Variants in SEC24D observed in about 807,000 individuals in gnomAD.
SEC24D encodes the protein protein transport protein Sec24D.
SEC24D carries 69 observed loss-of-function variants against 116.9 expected under a neutral mutation model. The observed-to-expected ratio is 0.59, with a 90% CI of 0.49 to 0.72. The LOEUF (loss-of-function observed/expected upper bound fraction) is 0.72, where lower values mean the gene tolerates loss of function less well. Ranked by LOEUF, SEC24D falls within the 30% of genes least tolerant of loss-of-function variation. The pLI, the probability that SEC24D is intolerant of heterozygous loss-of-function variation, is 0.00. For synonymous variants in SEC24D, 405 were observed against 442.8 expected, an observed-to-expected ratio of 0.91 and a Z score of 1.07; for missense variants, 1,131 against 1,264.1, an observed-to-expected ratio of 0.89 and a Z score of 1.60.
chr4:118,806,165 A>G (rs190273222), intron 6 of SEC24D, among the ~76,000 whole-genome samples: 90 of 152,166 alleles, frequency 5.9e-4, no homozygotes, highest in Non-Finnish European at 1.0e-3. Context: ...TCATGGAAAA[A>G]CCTACCATGT....
chr4:118,826,483 C>T (rs753481375), intron 2 of SEC24D, among the ~76,000 whole-genome samples: 2 of 152,148 alleles, frequency 1.3e-5, no homozygotes, highest in African/African-American at 4.8e-5. Context: ...AACATAATTA[C>T]AAGCACATTT....
At chr4:118,814,234 C>T (rs1276897404) in intron 6 of SEC24D, among the ~76,000 whole-genome samples, 1 of 152,206 alleles carries the variant, frequency 6.6e-6, no homozygotes, top group Non-Finnish European at 1.5e-5. Flanking sequence ...GCCAAGGGCA[C>T]ATGAGTGGTT....
intron 6 of SEC24D, among the ~76,000 whole-genome samples, chr4:118,810,193 G>T (rs4833592): frequency 0.33 from 49,181 of 146,842 alleles, 9,849 homozygotes; most frequent in East Asian, 0.55. Flanking sequence ...GCAGACTATT[G>T]TAAGAACTTT....
intron 4 of SEC24D, 64 bp downstream of exon 4, chr4:118,817,200 C>T (rs200498155): frequency 1.1e-4 from 149 of 1,346,254 alleles, no homozygotes; most frequent in Admixed American, 2.0e-4. Context: ...ATGAAGAAAA[C>T]CTCTCTCATT....
intron 7 of SEC24D, 60 bp from the exon 8 acceptor site, chr4:118,797,870 T>C: frequency 1.5e-6 from 2 of 1,360,928 alleles, no homozygotes; most frequent in South Asian, 1.6e-5. Flanking sequence ...CCCTAAGATA[T>C]TCAAATATTT....
At chr4:118,766,068 T>C (rs1727629861) in intron 9 of SEC24D, among the ~76,000 whole-genome samples, 1 of 152,258 alleles carries the variant, frequency 6.6e-6, no homozygotes, top group Non-Finnish European at 1.5e-5. Context: ...CTGCCTCGGC[T>C]ATCTTAGAAT....
intron 11 of SEC24D, among the ~76,000 whole-genome samples, chr4:118,753,866 A>T (rs1250599501): frequency 6.6e-6 from 1 of 152,216 alleles, no homozygotes; most frequent in African/African-American, 2.4e-5. Context: ...ATGTCAGCAT[A>T]ACTTATTTTG....
rs559190133 is a variant in SEC24D, at chr4:118,823,592, A to T, written c.248+1028T>A. Among the ~76,000 whole-genome samples the T allele has an allele frequency of 7.9e-5, 12 of 152,322 alleles. No homozygotes were observed. The East Asian group carries it at 2.3e-3, about 29-fold the overall frequency. On this transcript the variant is annotated intron_variant, in intron 3 of 22. Transcript: ENST00000280551. The stretch of plus-strand genomic sequence containing the variant: ...AAGCAAACACTGCCTGCGGCTTGGC[A>T]CTGGCTTGGCACAGGTTCTCAGCAG...
At chr4:118,826,165 T>G (rs1730584457) in intron 2 of SEC24D, among the ~76,000 whole-genome samples, 1 of 152,148 alleles carries the variant, frequency 6.6e-6, no homozygotes, top group Non-Finnish European at 1.5e-5. Context: ...CTATTTTCAA[T>G]AAATATTATC....
rs541213797 is a variant in SEC24D at position 118,769,798 on chromosome 4, G to A, written c.1042-1487C>T. On this transcript the variant is annotated intron_variant, in intron 8 of 22. Coordinates refer to ENST00000280551, the MANE Select transcript of SEC24D (RefSeq NM_014822.4). ...GCCAGAAGACAGATTGGATTTTCTT[G>A]TTTATGGTCGCTTCTGATCCACAGC... 2.0e-5 allele frequency: 3 copies of A among 152,312 alleles called. No individual in the cohort carries two copies. The South Asian group carries it at 6.2e-4, about 32-fold the overall frequency. The allele number at this position is 152,312 out of a possible 1,614,324, so 9.4% of individuals were successfully genotyped here. A position where few individuals can be genotyped will look rare whatever the true frequency, so the allele number is the denominator to read the frequency against.
At position 118,806,017 on chromosome 4, in the gene SEC24D, A is replaced by G; in HGVS notation, c.802-63T>C. 5.7e-6 allele frequency: 6 copies of G among 1,044,164 alleles called. No homozygotes were observed. In the South Asian group the frequency reaches 8.6e-5, roughly 15 times the overall value. The allele number at this position is 1,044,164 out of a possible 1,614,324, so 64.7% of individuals were successfully genotyped here. A position where few individuals can be genotyped will look rare whatever the true frequency, so the allele number is the denominator to read the frequency against. ...TCCAGTTCTTCCCAACATTCCATTT[A>G]GAGAGTACCCTTGCTCTCTCCTCCC... is the stretch of plus-strand genomic sequence containing the variant. On this transcript the variant is annotated intron_variant, in intron 6 of 22. Coordinates refer to ENST00000280551, the MANE Select transcript of SEC24D (RefSeq NM_014822.4).
At chr4:118,800,474 A>G (rs1430891317) in intron 7 of SEC24D, among the ~76,000 whole-genome samples, 1 of 152,160 alleles carries the variant, frequency 6.6e-6, no homozygotes, top group Non-Finnish European at 1.5e-5. Context: ...GACAAACTGG[A>G]AATCCGGATT....
At chr4:118,730,226 C>T (rs760120396) in intron 21 of SEC24D, 1 of 152,150 alleles carries the variant, frequency 6.6e-6, no homozygotes, top group African/African-American at 2.4e-5. Context: ...TAGTTCTTTG[C>T]CTACTGAATT....
chr4:118,741,096 G>T, intron 15 of SEC24D, 59 bp from the exon 16 acceptor site: 1 of 827,212 alleles, frequency 1.2e-6, no homozygotes, highest in East Asian at 2.7e-5. Flanking sequence ...TTAAAATAAC[G>T]TTCTCATTTT....
chr4:118,754,981 T>C (rs1248411473), intron 11 of SEC24D, among the ~76,000 whole-genome samples: 1 of 152,108 alleles, frequency 6.6e-6, no homozygotes, highest in African/African-American at 2.4e-5. Context: ...CTATTTCCCA[T>C]TGGATTTGGA....
chr4:118,805,984 A>G, intron 6 of SEC24D, 30 bp from the exon 7 acceptor site: 1 of 1,447,010 alleles, frequency 6.9e-7, no homozygotes, highest in Non-Finnish European at 9.6e-7. Flanking sequence ...GAGCCCGTTA[A>G]AGTAGGTTCC....
chr4:118,768,407 T>TA lies in SEC24D; in HGVS notation c.1042-97_1042-96insT, dbSNP rs1727746203. The stretch of plus-strand genomic sequence containing the variant: ...CTTTTAATGGCACTTTTTTTTTTTT[T>TA]TTTTTGAGACAGAGTCTTGCTCTGT... On this transcript the variant is annotated intron_variant, in intron 8 of 22. Coordinates refer to ENST00000280551, the MANE Select transcript of SEC24D (RefSeq NM_014822.4). 7.6e-6 allele frequency: 8 copies of TA among 1,053,748 alleles called. No individual in the cohort carries two copies. In the South Asian group the frequency reaches 1.2e-4, roughly 15 times the overall value. 65.3% of individuals were successfully genotyped at this position (1,053,748 alleles called of 1,614,324 possible).
At chr4:118,747,520 C>T (rs947127733) in intron 13 of SEC24D, among the ~76,000 whole-genome samples, 1 of 152,058 alleles carries the variant, frequency 6.6e-6, no homozygotes, top group Admixed American at 6.6e-5. Flanking sequence ...CCCACCTTGG[C>T]CTCCCAAAGT....
At chr4:118,818,580 T>C (rs911356829) in intron 3 of SEC24D, among the ~76,000 whole-genome samples, 1 of 152,218 alleles carries the variant, frequency 6.6e-6, no homozygotes, top group Non-Finnish European at 1.5e-5. Context: ...TAAGCATATT[T>C]GCAGAATAGT....
Sources: allele counts gnomAD v4.1 joint callset (sites outside exome capture counted in the v4.1 genomes callset), GRCh38; gene constraint gnomAD v4.1.1; transcripts MANE v1.5; gene names NCBI Gene and HGNC (gene_info 2026-07-23, HGNC 2026-07-21).